Variants in RELN observed in about 807,000 individuals in gnomAD.
RELN encodes reelin.
A neutral mutation model predicts 427.6 loss-of-function variants in RELN; 108 were observed. The observed-to-expected ratio is 0.25, with a 90% CI of 0.22 to 0.30. The LOEUF (loss-of-function observed/expected upper bound fraction) is 0.30, where lower values mean the gene tolerates loss of function less well. Ranked by LOEUF, RELN falls within the 10% of genes least tolerant of loss-of-function variation. The pLI is 1.00. For missense variants in RELN, 3,715 were observed against 4,302.8 expected, an observed-to-expected ratio of 0.86 and a Z score of 3.82; for synonymous variants, 1,524 against 1,513.4, an observed-to-expected ratio of 1.01 and a Z score of -0.16.
At chr7:103,786,798 C>T (rs1584492103) in intron 3 of RELN, among the ~76,000 whole-genome samples, 1 of 152,050 alleles carries the variant, frequency 6.6e-6, no homozygotes, top group Non-Finnish European at 1.5e-5. Flanking sequence ...ATCAACGAAG[C>T]AGAAAATTTA....
chr7:103,642,607 G>A (rs1177028654), intron 16 of RELN, among the ~76,000 whole-genome samples: 1 of 152,034 alleles, frequency 6.6e-6, no homozygotes, highest in Non-Finnish European at 1.5e-5. Context: ...GGAACTCAGA[G>A]GATGTGTAGT....
chr7:103,554,263 C>T (rs1472333612), intron 38 of RELN, among the ~76,000 whole-genome samples: 2 of 151,760 alleles, frequency 1.3e-5, no homozygotes, highest in East Asian at 1.9e-4. Context: ...AAGTACTTGT[C>T]AGTACTTTGT....
At chr7:103,663,939 T>G (rs1484797224) in intron 11 of RELN, among the ~76,000 whole-genome samples, 1 of 152,192 alleles carries the variant, frequency 6.6e-6, no homozygotes, top group Admixed American at 6.5e-5. Flanking sequence ...CCTGTTCCCT[T>G]ACTCATACTC....
chr7:103,780,190 T>C (rs1354829199), intron 3 of RELN, among the ~76,000 whole-genome samples: 1 of 152,206 alleles, frequency 6.6e-6, no homozygotes, highest in African/African-American at 2.4e-5. Context: ...TCTTTGAAAA[T>C]ACCATTTCTC....
intron 52 of RELN, among the ~76,000 whole-genome samples, chr7:103,502,662 A>C (rs1829073059): frequency 6.6e-6 from 1 of 152,206 alleles, no homozygotes; most frequent in Non-Finnish European, 1.5e-5. Context: ...ATAATGTGGA[A>C]AGTATATAGT....
At chr7:103,525,750 C>A (rs1442095411) in intron 46 of RELN, among the ~76,000 whole-genome samples, 1 of 151,314 alleles carries the variant, frequency 6.6e-6, no homozygotes, top group Non-Finnish European at 1.5e-5. Context: ...TCTCTGTATC[C>A]CTTAGGGAAT....
At chr7:103,600,816 T>C (rs1240380753) in intron 24 of RELN, among the ~76,000 whole-genome samples, 1 of 152,210 alleles carries the variant, frequency 6.6e-6, no homozygotes, top group Non-Finnish European at 1.5e-5. Flanking sequence ...GGCATAAATG[T>C]GAAAATATTC....
intron 20 of RELN, among the ~76,000 whole-genome samples, chr7:103,618,098 G>T (rs530439869): frequency 6.6e-6 from 1 of 152,092 alleles, no homozygotes; most frequent in African/African-American, 2.4e-5. Flanking sequence ...ACCCAGCCTC[G>T]GGTAATCTTT....
At chr7:103,683,037 G>T (rs557609118) in intron 10 of RELN, among the ~76,000 whole-genome samples, 1 of 152,034 alleles carries the variant, frequency 6.6e-6, no homozygotes, top group South Asian at 2.1e-4. Context: ...AACATTTTTT[G>T]GTAATAAGTC....
chr7:103,561,701 C>A lies in RELN; in HGVS notation c.5360G>T (p.Arg1787Leu). The change falls in exon 36 of 65, where the codon CGG becomes CTG. Residue 1787 changes from arginine (R) to leucine (L), a missense_variant. Arg to Leu is a moderately radical substitution (Grantham distance 102, BLOSUM62 -2). Transcript: ENST00000428762. ...ICDAGRCVCD[R>L]GFGGPYCVPV... ...AACACAATAGGGTCCACCAAAGCCC[C>A]GGTCACACCTAAGAAAGAGAGGGAG... 1 of 1,613,872 alleles carries A rather than the reference C, an allele frequency of 6.2e-7. No homozygotes were observed. Among genetic ancestry groups the A allele is most frequent in the Non-Finnish European group, 8.5e-7 (1 of 1,179,916 alleles).
At chr7:103,680,536 C>T (rs150203315) in intron 11 of RELN, among the ~76,000 whole-genome samples, 7 of 151,360 alleles carry the variant, frequency 4.6e-5, no homozygotes, top group East Asian at 3.9e-4. Flanking sequence ...GCAGTCAGAA[C>T]GAACTGGTGT....
chr7:103,948,439 A>G (rs1796263077), intron 1 of RELN, among the ~76,000 whole-genome samples: 1 of 152,104 alleles, frequency 6.6e-6, no homozygotes, highest in Non-Finnish European at 1.5e-5. Context: ...TTGGGAGGCC[A>G]AGGCAGGTGG....
At chr7:103,612,287 T>C (rs1831977619) in intron 20 of RELN, among the ~76,000 whole-genome samples, 1 of 151,858 alleles carries the variant, frequency 6.6e-6, no homozygotes, top group South Asian at 2.1e-4. Context: ...ATAATCACAT[T>C]AAAATGTATA....
intron 11 of RELN, among the ~76,000 whole-genome samples, chr7:103,663,329 T>C (rs2283022): frequency 0.59 from 89,163 of 152,046 alleles, 26,612 homozygotes; most frequent in African/African-American, 0.65. Flanking sequence ...CAGTGTTCAA[T>C]GCCCAGCAGA....
intron 3 of RELN, among the ~76,000 whole-genome samples, chr7:103,806,255 T>C (rs921347606): frequency 2.6e-5 from 4 of 152,158 alleles, no homozygotes; most frequent in African/African-American, 9.7e-5. Flanking sequence ...GACTTCAGCT[T>C]AGTCCAGTTG....
chr7:103,721,467 C>T (rs146252377), intron 8 of RELN, among the ~76,000 whole-genome samples: 219 of 152,080 alleles, frequency 1.4e-3, no homozygotes, highest in African/African-American at 5.2e-3. Flanking sequence ...GGTAATAAAC[C>T]CTTCATTCTC....
At chr7:103,721,808 G>A (rs573151512) in intron 8 of RELN, among the ~76,000 whole-genome samples, 3 of 152,032 alleles carry the variant, frequency 2.0e-5, no homozygotes, top group Non-Finnish European at 4.4e-5. Context: ...CCATTATTCA[G>A]CTTATGTTAT....
At chr7:103,694,826 G>GTT (rs556518793) in intron 10 of RELN, among the ~76,000 whole-genome samples, 111 of 138,938 alleles carry the variant, frequency 8.0e-4, no homozygotes, top group East Asian at 1.1e-3. Flanking sequence ...TGCCTGGCTA[G>GTT]TTTTTTTTTT....
intron 6 of RELN, among the ~76,000 whole-genome samples, chr7:103,736,562 G>C (rs553211510): frequency 6.6e-6 from 1 of 152,004 alleles, no homozygotes; most frequent in Non-Finnish European, 1.5e-5. Context: ...TTTCTCTAGG[G>C]AGTTAAAAAA....
Sources: allele counts gnomAD v4.1 joint callset (sites outside exome capture counted in the v4.1 genomes callset), GRCh38; gene constraint gnomAD v4.1.1; transcripts MANE v1.5; gene names NCBI Gene and HGNC (gene_info 2026-07-23, HGNC 2026-07-21).